INTS6: variants seen among roughly 807,000 people sequenced by gnomAD.
INTS6 encodes the protein DEAD box protein.
INTS6 carries 16 observed loss-of-function variants against 104.9 expected under a neutral mutation model. The observed-to-expected ratio is 0.15, with a 90% confidence interval of 0.10 to 0.23. INTS6 has a LOEUF of 0.23. Ranked by LOEUF, INTS6 falls within the 10% of genes least tolerant of loss-of-function variation. The pLI is 1.00. For synonymous variants in INTS6, 324 were observed against 358.7 expected, an observed-to-expected ratio of 0.90 and a Z score of 1.09; for missense variants, 584 against 1,062.8, an observed-to-expected ratio of 0.55 and a Z score of 6.26.
intron 4 of INTS6, among the ~76,000 whole-genome samples, chr13:51,425,600 A>C (rs923989417): frequency 7.9e-5 from 12 of 152,236 alleles, no homozygotes; most frequent in East Asian, 1.9e-4. Flanking sequence ...TTCATCACTA[A>C]GAAAGTACTG....
intron 4 of INTS6, among the ~76,000 whole-genome samples, chr13:51,403,283 C>T (rs1956473308): frequency 6.6e-6 from 1 of 152,058 alleles, no homozygotes; most frequent in Admixed American, 6.6e-5. Context: ...TGATCTGTAC[C>T]AACACAAGAT....
At chr13:51,386,748 C>A (rs1166514602) in intron 7 of INTS6, among the ~76,000 whole-genome samples, 3 of 151,814 alleles carry the variant, frequency 2.0e-5, no homozygotes, top group African/African-American at 7.3e-5. Flanking sequence ...TCCCTTAATG[C>A]CCTCAGATAC....
At chr13:51,392,482 C>T (rs1192708810) in intron 5 of INTS6, among the ~76,000 whole-genome samples, 3 of 152,104 alleles carry the variant, frequency 2.0e-5, no homozygotes, top group Admixed American at 1.3e-4. Context: ...CTAGCTATTA[C>T]TCTATTCCTC....
chr13:51,413,516 G>GA, intron 4 of INTS6, among the ~76,000 whole-genome samples: 3 of 152,224 alleles, frequency 2.0e-5, no homozygotes, highest in Non-Finnish European at 4.4e-5. Context: ...TGAGAAAACT[G>GA]AAACTCAAAA....
chr13:51,390,922 A>G (rs1956235729), intron 5 of INTS6, among the ~76,000 whole-genome samples: 1 of 152,088 alleles, frequency 6.6e-6, no homozygotes, highest in African/African-American at 2.4e-5. Flanking sequence ...TACAAATGAG[A>G]ACACTAAGGC....
intron 4 of INTS6, among the ~76,000 whole-genome samples, chr13:51,398,530 A>T (rs889023698): frequency 6.6e-6 from 1 of 152,132 alleles, no homozygotes; most frequent in Non-Finnish European, 1.5e-5. Flanking sequence ...ATTAGCAAAA[A>T]TTTTTTAAAT....
In INTS6 at chr13:51,383,338, G is replaced by A. The variant is rs1231696394; in HGVS notation, c.1171C>T (p.Pro391Ser). The change falls in exon 9 of 18, where the codon CCC becomes TCC. Residue 391 changes from proline (P) to serine (S), a missense_variant. Pro to Ser is a moderately conservative substitution (Grantham distance 74). Transcript: ENST00000311234. ...VMPYNYPVLL[P>S]LLDDLFKVHK... ...GACAAGAATGACTTACCTAAGAGGGGAAGAAGGACTGGATAATTGTAAGGC... is the reference window on the plus strand; with the variant it reads ...GACAAGAATGACTTACCTAAGAGGGAAAGAAGGACTGGATAATTGTAAGGC... 6.2e-7 allele frequency: 1 copy of A among 1,610,660 alleles called. No individual in the cohort carries two copies. Among genetic ancestry groups the A allele is most frequent in the Non-Finnish European group, 8.5e-7 (1 of 1,178,430 alleles).
At position 51,361,652 on chromosome 13, in the gene INTS6, TC is replaced by T. The variant is rs1955579296; in HGVS notation, c.*4099del. On this transcript the variant is annotated 3_prime_UTR_variant, in exon 18 of 18. Coordinates refer to ENST00000311234, the MANE Select transcript of INTS6 (RefSeq NM_012141.3). The stretch of plus-strand genomic sequence containing the variant: ...AGGATTGGCTAAATGGCATCTTTTC[TC>T]TTTAATTTTCCCATCTGCACCCCCA... 6.2e-6 allele frequency: 4 copies of T among 644,706 alleles called. No individual in the cohort carries two copies. In the Admixed American group the frequency reaches 1.3e-4, roughly 21 times the overall value. The allele number at this position is 644,706 out of a possible 1,614,324, so 39.9% of individuals were successfully genotyped here. A position where few individuals can be genotyped will look rare whatever the true frequency, so the allele number is the denominator to read the frequency against.
intron 3 of INTS6, chr13:51,442,299 C>A (rs1399489434): frequency 6.6e-6 from 1 of 151,736 alleles, no homozygotes; most frequent in Non-Finnish European, 1.5e-5. Context: ...AGGCGCCCGC[C>A]ACCATGCCCA....
chr13:51,413,201 GT>G (rs903387624), intron 4 of INTS6, among the ~76,000 whole-genome samples: 31 of 150,322 alleles, frequency 2.1e-4, no homozygotes, highest in Admixed American at 1.1e-3. Flanking sequence ...TAAGAAAAAA[GT>G]TTTTTTTTTA....
At chr13:51,404,047 A>T (rs1431496655) in intron 4 of INTS6, among the ~76,000 whole-genome samples, 1 of 142,574 alleles carries the variant, frequency 7.0e-6, no homozygotes, top group Non-Finnish European at 1.5e-5. Flanking sequence ...ACATAGTGAG[A>T]TCCTATCTCT....
intron 4 of INTS6, among the ~76,000 whole-genome samples, chr13:51,411,064 T>A (rs559921853): frequency 6.6e-6 from 1 of 150,920 alleles, no homozygotes; most frequent in African/African-American, 2.4e-5. Context: ...ATAAAAAAAA[T>A]TAGCTGGGTG....
chr13:51,423,489 C>T (rs557476563), intron 4 of INTS6, among the ~76,000 whole-genome samples: 10 of 152,174 alleles, frequency 6.6e-5, no homozygotes, highest in African/African-American at 2.2e-4. Flanking sequence ...AAATTAACTG[C>T]TCTTCTCTTC....
At chr13:51,396,342 G>A (rs1364488266) in intron 4 of INTS6, among the ~76,000 whole-genome samples, 3 of 152,160 alleles carry the variant, frequency 2.0e-5, no homozygotes, top group African/African-American at 7.2e-5. Flanking sequence ...TAAATGTAGA[G>A]AGGTTTGGGG....
rs1278787318 is a variant in INTS6 at position 51,452,992 on chromosome 13, C to A, written c.-467G>T. The A allele has an allele frequency of 3.0e-6, 3 of 1,004,090 alleles. No individual in the cohort carries two copies. The highest frequency in any genetic ancestry group is 3.5e-5 in the African/African-American group (2 of 57,438). 62.2% of individuals were successfully genotyped at this position (1,004,090 alleles called of 1,614,324 possible). Reference sequence around the variant, plus strand: ...AGAAGTTTCAGGGACTCCCTCCGCACCCCGGCGGTGTCACCACTTTCTCAG... The same window carrying A: ...AGAAGTTTCAGGGACTCCCTCCGCAACCCGGCGGTGTCACCACTTTCTCAG... On this transcript the variant is annotated 5_prime_UTR_variant, in exon 1 of 18. Transcript: ENST00000311234. The surrounding 1 kb of genome is among the most constrained non-coding windows in gnomAD (Gnocchi z 4.2).
intron 3 of INTS6, among the ~76,000 whole-genome samples, chr13:51,433,318 A>G (rs1052559514): frequency 2.6e-5 from 4 of 152,204 alleles, no homozygotes; most frequent in Non-Finnish European, 2.9e-5. Flanking sequence ...GTGGTGGCAC[A>G]TGCCTGTAGT....
intron 3 of INTS6, among the ~76,000 whole-genome samples, chr13:51,434,719 T>C (rs939342922): frequency 2.7e-5 from 4 of 150,706 alleles, no homozygotes; most frequent in African/African-American, 7.4e-5. Flanking sequence ...AAAGTGAACA[T>C]GTAGCTCCAA....
At chr13:51,381,806 G>A (rs1337068346) in intron 10 of INTS6, among the ~76,000 whole-genome samples, 5 of 151,442 alleles carry the variant, frequency 3.3e-5, no homozygotes, top group African/African-American at 4.9e-5. Context: ...GGTTTCAAGC[G>A]ATTCTCCTGC....
chr13:51,401,552 G>A (rs1038521115), intron 4 of INTS6, among the ~76,000 whole-genome samples: 2 of 152,146 alleles, frequency 1.3e-5, no homozygotes, highest in Non-Finnish European at 2.9e-5. Flanking sequence ...GGAAGTGTCT[G>A]AACTAATGAT....
Sources: allele counts gnomAD v4.1 joint callset (sites outside exome capture counted in the v4.1 genomes callset), GRCh38; gene constraint gnomAD v4.1.1; non-coding constraint Gnocchi (gnomAD v3.1); transcripts MANE v1.5; gene names NCBI Gene and HGNC (gene_info 2026-07-23, HGNC 2026-07-21).